CHST11: variants seen among roughly 807,000 people sequenced by gnomAD.
CHST11 encodes C4S-1.
Under a neutral mutation model 30.4 loss-of-function variants are expected in CHST11, and 9 were observed. That is an observed-to-expected ratio of 0.30 (90% confidence interval 0.18 to 0.52). The LOEUF is 0.52. CHST11 is among the 20% of genes least tolerant of loss of function. The probability of loss-of-function intolerance (pLI) is 0.97; values close to 1 mark genes in which losing one functional copy is unlikely to be tolerated. For missense variants in CHST11, 348 were observed against 460.6 expected (o/e 0.76, Z 2.24); for synonymous variants, 152 against 187.8 (o/e 0.81, Z 1.56).
At chr12:104,695,909 G>A (rs754167716) in intron 2 of CHST11, among the ~76,000 whole-genome samples, 14 of 152,156 alleles carry the variant, frequency 9.2e-5, no homozygotes, top group East Asian at 1.9e-4. Flanking sequence ...GATGAATAAC[G>A]TTATTGGAGG....
chr12:104,621,012 G>A (rs919677829), intron 2 of CHST11, among the ~76,000 whole-genome samples: 2 of 152,200 alleles, frequency 1.3e-5, no homozygotes, highest in Admixed American at 6.5e-5. Flanking sequence ...AATACTGAGC[G>A]CAGAGTGTAG....
intron 1 of CHST11, among the ~76,000 whole-genome samples, chr12:104,516,595 C>T (rs915443910): frequency 2.6e-5 from 4 of 151,932 alleles, no homozygotes; most frequent in African/African-American, 9.7e-5. Context: ...ATCTGAACTC[C>T]AGGAGGGGAG....
At chr12:104,549,163 A>G (rs1477530644) in intron 1 of CHST11, among the ~76,000 whole-genome samples, 3 of 152,170 alleles carry the variant, frequency 2.0e-5, no homozygotes, top group Non-Finnish European at 4.4e-5. Flanking sequence ...CACCATGTTT[A>G]GTGGGGCTGT....
chr12:104,731,634 AGCCTCTGC>A (rs1369629594), intron 2 of CHST11, among the ~76,000 whole-genome samples: 2 of 151,940 alleles, frequency 1.3e-5, no homozygotes, highest in East Asian at 3.9e-4. Context: ...CCACGGACTC[AGCCTCTGC>A]GGGCCTCAGC....
At chr12:104,716,224 C>T (rs1192127431) in intron 2 of CHST11, among the ~76,000 whole-genome samples, 4 of 152,148 alleles carry the variant, frequency 2.6e-5, no homozygotes, top group Non-Finnish European at 5.9e-5. Flanking sequence ...AGAGAGAAAC[C>T]TTAGAGGCCA....
chr12:104,726,274 C>T (rs886126167), intron 2 of CHST11, among the ~76,000 whole-genome samples: 4 of 152,138 alleles, frequency 2.6e-5, no homozygotes, highest in Admixed American at 2.0e-4. Context: ...TTCTGACAGA[C>T]CTTGTCAAAA....
chr12:104,699,598 G>T (rs1200336849), intron 2 of CHST11, among the ~76,000 whole-genome samples: 2 of 152,172 alleles, frequency 1.3e-5, no homozygotes, highest in African/African-American at 2.4e-5. Context: ...CGGATAGTTG[G>T]TGTTCATTGA....
At chr12:104,489,467 C>G (rs1208317056) in intron 1 of CHST11, among the ~76,000 whole-genome samples, 1 of 152,024 alleles carries the variant, frequency 6.6e-6, no homozygotes, top group Admixed American at 6.6e-5. Flanking sequence ...TAGGAATACC[C>G]TATCTTTTAT....
At chr12:104,608,560 A>G (rs1227701662) in intron 2 of CHST11, among the ~76,000 whole-genome samples, 1 of 152,058 alleles carries the variant, frequency 6.6e-6, no homozygotes, top group Non-Finnish European at 1.5e-5. Context: ...GCTCCCTTGC[A>G]ATGTGTTTTC....
intron 2 of CHST11, among the ~76,000 whole-genome samples, chr12:104,629,224 A>G (rs969326850): frequency 2.6e-5 from 4 of 152,222 alleles, no homozygotes; most frequent in Admixed American, 2.6e-4. Flanking sequence ...TTACGACAAC[A>G]TACTTTTTTT....
At chr12:104,705,776 C>T (rs1400403253) in intron 2 of CHST11, among the ~76,000 whole-genome samples, 5 of 151,958 alleles carry the variant, frequency 3.3e-5, no homozygotes, top group Admixed American at 6.6e-5. Flanking sequence ...CAAAAATTAG[C>T]CGGTCATAGT....
intron 1 of CHST11, among the ~76,000 whole-genome samples, chr12:104,504,801 CCT>C (rs1287297622): frequency 1.3e-5 from 2 of 152,122 alleles, no homozygotes; most frequent in South Asian, 4.2e-4. Context: ...CACCCATCCC[CCT>C]GTCTTGAAAA....
intron 2 of CHST11, among the ~76,000 whole-genome samples, chr12:104,691,886 G>A (rs1169519487): frequency 1.3e-5 from 2 of 152,184 alleles, no homozygotes; most frequent in African/African-American, 2.4e-5. Context: ...AATTCCGAGT[G>A]TGTGGCTTGG....
chr12:104,711,123 T>C (rs1035736847), intron 2 of CHST11, among the ~76,000 whole-genome samples: 8 of 152,228 alleles, frequency 5.3e-5, no homozygotes, highest in African/African-American at 1.7e-4. Context: ...AACTGTGTTG[T>C]GTCATACTCA....
chr12:104,560,802 CCTT>C (rs1189853032), intron 1 of CHST11, among the ~76,000 whole-genome samples: 1 of 152,160 alleles, frequency 6.6e-6, no homozygotes, highest in Non-Finnish European at 1.5e-5. Flanking sequence ...ACTGTGAGCT[CCTT>C]GAGTATGGGG....
At chr12:104,712,377 T>C (rs2040094890) in intron 2 of CHST11, among the ~76,000 whole-genome samples, 1 of 152,126 alleles carries the variant, frequency 6.6e-6, no homozygotes. Context: ...CATTTTGATC[T>C]CGTATTTACT....
intron 2 of CHST11, among the ~76,000 whole-genome samples, chr12:104,656,524 A>T (rs1472147815): frequency 6.6e-6 from 1 of 152,142 alleles, no homozygotes; most frequent in African/African-American, 2.4e-5. Context: ...ATCTCCTATG[A>T]AGCCAACTAT....
chr12:104,516,276 G>A lies in CHST11; in HGVS notation c.118+58747G>A, dbSNP rs535510234. On this transcript the variant is annotated intron_variant, in intron 1 of 2. Transcript: ENST00000303694. ...ATTGGGGCAAATGTTAGTTGAGAGA[G>A]CAGAGACCCTGACTCTTTTTGTCTC... Among the ~76,000 whole-genome samples, 6 of 152,302 alleles carry A rather than the reference G, an allele frequency of 3.9e-5. No homozygotes were observed. In the East Asian group the frequency reaches 1.2e-3, roughly 29 times the overall value.
intron 2 of CHST11, among the ~76,000 whole-genome samples, chr12:104,631,198 G>A (rs142561833): frequency 1.1e-4 from 16 of 152,318 alleles, no homozygotes; most frequent in African/African-American, 3.6e-4. Context: ...TGGCTGGTTG[G>A]GGGAGAGGAA....
Sources: allele counts gnomAD v4.1 joint callset (sites outside exome capture counted in the v4.1 genomes callset), GRCh38; gene constraint gnomAD v4.1.1; transcripts MANE v1.5; gene names NCBI Gene and HGNC (gene_info 2026-07-23, HGNC 2026-07-21).